MTA3: variants seen among roughly 807,000 people sequenced by gnomAD.
MTA3 encodes metastasis associated 1 family member 3.
Under a neutral mutation model 83.5 loss-of-function variants are expected in MTA3, and 34 were observed. The observed-to-expected ratio is 0.41, with a 90% CI of 0.31 to 0.54. The LOEUF is 0.54. Ranked by LOEUF, MTA3 falls within the 20% of genes least tolerant of loss-of-function variation. The pLI is 0.33. For missense variants in MTA3, 761 were observed against 726.4 expected (o/e 1.05, Z -0.55); for synonymous variants, 303 against 252.7 (o/e 1.20, Z -1.89).
intron 4 of MTA3, among the ~76,000 whole-genome samples, chr2:42,636,658 C>T (rs1454684018): frequency 3.2e-5 from 4 of 123,850 alleles, no homozygotes; most frequent in Non-Finnish European, 4.9e-5. Flanking sequence ...GACGGGGTTT[C>T]GCCCTGTCAC....
chr2:42,513,110 A>G (rs190788428), intron 2 of MTA3, among the ~76,000 whole-genome samples: 203 of 152,272 alleles, frequency 1.3e-3, no homozygotes, highest in African/African-American at 4.3e-3. Context: ...TAAATAACCA[A>G]CTGGGCATAC....
At chr2:42,568,837 G>A in intron 1 of MTA3, 64 bp downstream of exon 1, 1 of 1,208,604 alleles carries the variant, frequency 8.3e-7, no homozygotes, top group Non-Finnish European at 1.0e-6. Context: ...GGGCCGGGGC[G>A]AGTGCACGCC....
chr2:42,669,367 G>A (rs921772615), intron 8 of MTA3, among the ~76,000 whole-genome samples: 2 of 152,130 alleles, frequency 1.3e-5, no homozygotes, highest in African/African-American at 4.8e-5. Context: ...TTACAAGCGT[G>A]AGCCACTGCG....
At chr2:42,736,478 T>C (rs1558631939) in intron 16 of MTA3, among the ~76,000 whole-genome samples, 1 of 152,054 alleles carries the variant, frequency 6.6e-6, no homozygotes, top group Non-Finnish European at 1.5e-5. Context: ...GACTCTCCAA[T>C]CAGCAGGTGG....
chr2:42,665,446 C>T (rs920059421), intron 8 of MTA3, among the ~76,000 whole-genome samples: 1 of 152,160 alleles, frequency 6.6e-6, no homozygotes, highest in African/African-American at 2.4e-5. Flanking sequence ...ATCCTTTCTA[C>T]CATTACCCCC....
chr2:42,682,253 T>C, intron 8 of MTA3, 148 bp from the exon 9 acceptor site: 1 of 573,630 alleles, frequency 1.7e-6, no homozygotes, highest in Non-Finnish European at 2.8e-6. Flanking sequence ...TCTTAAATAA[T>C]TATTTAGTAA....
intron 14 of MTA3, among the ~76,000 whole-genome samples, chr2:42,711,777 A>AGTGTGTGTGTGTGT (rs1553393276): frequency 6.7e-6 from 1 of 148,646 alleles, no homozygotes; most frequent in African/African-American, 2.5e-5. Context: ...TATAGGAGAG[A>AGTGTGTGTGTGTGT]GAGAGAGTGT....
At chr2:42,537,138 G>A (rs968362821) in intron 2 of MTA3, among the ~76,000 whole-genome samples, 13 of 152,068 alleles carry the variant, frequency 8.5e-5, no homozygotes, top group African/African-American at 2.7e-4. Context: ...CACCTGTTAG[G>A]ACTCTGTAAA....
chr2:42,667,119 G>A (rs1193043389), intron 8 of MTA3, among the ~76,000 whole-genome samples: 3 of 152,072 alleles, frequency 2.0e-5, no homozygotes, highest in Admixed American at 6.6e-5. Context: ...GTGTTGCCCA[G>A]GCCAGATTTG....
intron 2 of MTA3, among the ~76,000 whole-genome samples, chr2:42,577,583 C>T (rs1026751134): frequency 2.6e-5 from 4 of 151,458 alleles, no homozygotes; most frequent in South Asian, 2.1e-4. Flanking sequence ...CAGGTTCAAG[C>T]GATTCTCCTG....
At chr2:42,557,672 C>T (rs955070724) in intron 2 of MTA3, among the ~76,000 whole-genome samples, 3 of 152,120 alleles carry the variant, frequency 2.0e-5, no homozygotes, top group Admixed American at 6.6e-5. Flanking sequence ...GAGACATAAA[C>T]AATGATTTAT....
At chr2:42,513,647 TC>T (rs1252178938) in intron 2 of MTA3, among the ~76,000 whole-genome samples, 4 of 152,082 alleles carry the variant, frequency 2.6e-5, no homozygotes, top group Non-Finnish European at 5.9e-5. Flanking sequence ...GGGTAGAACT[TC>T]CAGGACAGAG....
chr2:42,524,472 G>GTTTTTTTTTTTTGT (rs1675578758), intron 2 of MTA3, among the ~76,000 whole-genome samples: 6 of 70,664 alleles, frequency 8.5e-5, no homozygotes, highest in Non-Finnish European at 1.3e-4. Flanking sequence ...GGCTAGTTGT[G>GTTTTTTTTTTTTGT]TTTTTTTTTT....
At chr2:42,567,519 A>C (rs1677970808), upstream of MTA3, among the ~76,000 whole-genome samples, 1 of 152,114 alleles carries the variant, frequency 6.6e-6, no homozygotes, top group South Asian at 2.1e-4. Flanking sequence ...CAAACAAGCC[A>C]CCACACCAAG....
upstream of MTA3, among the ~76,000 whole-genome samples, chr2:42,567,005 C>G (rs1677942540): frequency 6.6e-6 from 1 of 152,176 alleles, no homozygotes; most frequent in Non-Finnish European, 1.5e-5. Context: ...GGTGGGATCT[C>G]TGGTAAATGT....
intron 4 of MTA3, among the ~76,000 whole-genome samples, chr2:42,637,047 G>C (rs538812094): frequency 6.6e-6 from 1 of 152,212 alleles, no homozygotes; most frequent in African/African-American, 2.4e-5. Flanking sequence ...GCAAGTAGCA[G>C]ATTCCAGGCT....
At chr2:42,508,110 A>G (rs540240704) in intron 2 of MTA3, among the ~76,000 whole-genome samples, 1 of 152,220 alleles carries the variant, frequency 6.6e-6, no homozygotes, top group African/African-American at 2.4e-5. Context: ...CTCTGCCTAG[A>G]GCACGAACAC....
intron 4 of MTA3, among the ~76,000 whole-genome samples, chr2:42,638,046 T>A (rs1278721526): frequency 6.6e-6 from 1 of 151,930 alleles, no homozygotes; most frequent in Admixed American, 6.6e-5. Context: ...TGACTAGCCT[T>A]AAAAAAAAGT....
intron 16 of MTA3, among the ~76,000 whole-genome samples, chr2:42,738,307 G>A (rs1309015301): frequency 6.6e-6 from 1 of 152,106 alleles, no homozygotes; most frequent in African/African-American, 2.4e-5. Context: ...GCAGAAGAAC[G>A]TGGATTGTGA....
Sources: allele counts gnomAD v4.1 joint callset (sites outside exome capture counted in the v4.1 genomes callset), GRCh38; gene constraint gnomAD v4.1.1; transcripts MANE v1.5; gene names NCBI Gene and HGNC (gene_info 2026-07-23, HGNC 2026-07-21).